Variants in MORC2 observed in about 807,000 individuals in gnomAD.
The protein encoded by MORC2 is MORC family CW-type zinc finger 2, also known as ATPase MORC2.
Under a neutral mutation model 136.0 loss-of-function variants are expected in MORC2, and 30 were observed. The observed-to-expected ratio is 0.22, with a 90% confidence interval of 0.17 to 0.30. The LOEUF (loss-of-function observed/expected upper bound fraction) is 0.30, where lower values mean the gene tolerates loss of function less well. Ranked by LOEUF, MORC2 falls within the 10% of genes least tolerant of loss-of-function variation. The pLI, the probability that MORC2 is intolerant of heterozygous loss-of-function variation, is 1.00. For missense variants in MORC2, 922 were observed against 1,333.1 expected (o/e 0.69, Z 4.80); for synonymous variants, 439 against 487.0 (o/e 0.90, Z 1.30).
chr22:30,938,257 A>G (rs778570436), intron 12 of MORC2, 52 bp from the exon 13 acceptor site: 1 of 1,602,646 alleles, frequency 6.2e-7, no homozygotes, highest in Non-Finnish European at 8.5e-7. Context: ...CACAAGCACC[A>G]TAGTGTTTAA....
intron 1 of MORC2, among the ~76,000 whole-genome samples, chr22:30,962,779 A>G (rs2041068802): frequency 6.6e-6 from 1 of 152,192 alleles, no homozygotes. Flanking sequence ...AGTCAGAGAT[A>G]ATACTCAGAA....
chr22:30,944,031 T>C lies in MORC2; in HGVS notation c.427-1760A>G, dbSNP rs1035537853. Among the ~76,000 whole-genome samples the C allele has an allele frequency of 4.6e-5, 7 of 152,356 alleles. No homozygotes were observed. In the East Asian group the frequency reaches 9.6e-4, roughly 21 times the overall value. ...CCTCAGCCTCCCAAAGTGCTGGGAT[T>C]ATAGGCGTGAGCCACCAGGCCCGGC... On this transcript the variant is annotated intron_variant, in intron 6 of 25. Coordinates refer to ENST00000397641, the MANE Select transcript of MORC2 (RefSeq NM_001303256.3).
At chr22:30,960,207 T>C (rs1236455799) in intron 1 of MORC2, among the ~76,000 whole-genome samples, 1 of 152,148 alleles carries the variant, frequency 6.6e-6, no homozygotes, top group South Asian at 2.1e-4. Context: ...CCTCAGGTGA[T>C]CTGCCTGCCT....
chr22:30,933,341 T>C, intron 21 of MORC2, 125 bp downstream of exon 21: 1 of 1,065,922 alleles, frequency 9.4e-7, no homozygotes, highest in Non-Finnish European at 1.4e-6. Flanking sequence ...GATCCACTGC[T>C]GCACAAGAGC....
At chr22:30,943,644 G>T (rs1274713772) in intron 6 of MORC2, among the ~76,000 whole-genome samples, 2 of 152,172 alleles carry the variant, frequency 1.3e-5, no homozygotes, top group Non-Finnish European at 2.9e-5. Context: ...GCACCTCAGG[G>T]GTTCAAACCC....
At chr22:30,930,439 A>G (rs1290739598) in intron 24 of MORC2, among the ~76,000 whole-genome samples, 1 of 152,138 alleles carries the variant, frequency 6.6e-6, no homozygotes, top group Non-Finnish European at 1.5e-5. Flanking sequence ...TCCCTCGCCG[A>G]GCACCACTCC....
Position 30,950,421 on chromosome 22 carries a change from C to T in MORC2, c.182G>A (p.Gly61Glu), listed in dbSNP as rs2040871517. The change falls in exon 4 of 26, where the codon GGA (glycine) becomes GAA (glutamate). Residue 61 changes from glycine to glutamate, a missense_variant. This residue lies in a region of MORC2 where 57 missense variants were observed against 71.8 expected (regional missense o/e 0.79). Transcript: ENST00000397641. ...ATCATCCAAAAAGCAAAGCATAAAT[C>T]CTCCTCGAAGGTCCTCTCGTCTTTC... ...YAERREDLRG[G>E]FMLCFLDDGA... 1 of 1,398,908 alleles carries T rather than the reference C, an allele frequency of 7.1e-7. No individual in the cohort carries two copies. Among genetic ancestry groups the T allele is most frequent in the Non-Finnish European group, 9.5e-7 (1 of 1,054,870 alleles). 86.7% of individuals were successfully genotyped at this position (1,398,908 alleles called of 1,614,324 possible).
chr22:30,942,030 C>T lies in MORC2; in HGVS notation c.587-28G>A, dbSNP rs60257720. On this transcript the variant is annotated intron_variant, in intron 7 of 25. Transcript: ENST00000397641. ...GAGAAACAGAAATCTTTTGTCCTGC[C>T]AGATCCCCCGGCCCACCCCCACACT... 1,101 of 1,610,954 alleles carry T rather than the reference C, an allele frequency of 6.8e-4. 10 individuals are homozygous for T. The East Asian group carries it at 0.018, about 27-fold the overall frequency.
chr22:30,936,195 G>GATGT (rs771940831), intron 17 of MORC2, among the ~76,000 whole-genome samples: 74 of 152,258 alleles, frequency 4.9e-4, no homozygotes, highest in Non-Finnish European at 9.8e-4. Context: ...AAGTTGGAAG[G>GATGT]ATGTATGGTT....
chr22:30,926,811 C>T lies in MORC2; in HGVS notation c.3091G>A (p.Gly1031Arg). The change falls in exon 26 of 26, where the codon GGG (glycine) becomes AGG (arginine). Residue 1031 changes from glycine (G) to arginine (R), a missense_variant. By Grantham distance (125) the Gly-to-Arg change is moderately radical. Around this residue, in one of 9 missense-constraint regions of MORC2, gnomAD observed 263 missense variants for 388.3 expected, o/e 0.68. Transcript: ENST00000397641. ...TGCTCTCTCTCCTGCCTTCAGTCCC[C>T]CTTGGTGATGAGGTCCTCAATGTAG... is the stretch of plus-strand genomic sequence containing the variant. ...DAYIEDLITK[G>R]D 1 of 1,613,442 alleles carries T rather than the reference C, an allele frequency of 6.2e-7. No homozygotes were observed. Among genetic ancestry groups the T allele is most frequent in the East Asian group, 2.2e-5 (1 of 44,806 alleles).
chr22:30,933,052 C>T (rs574117507), intron 21 of MORC2, 22 bp from the exon 22 acceptor site: 62 of 1,612,764 alleles, frequency 3.8e-5, no homozygotes, highest in Non-Finnish European at 4.8e-5. Flanking sequence ...GACAGAGGTG[C>T]GAGTCAGAAA....
chr22:30,949,748 C>A lies in MORC2; in HGVS notation c.317+4G>T. ...GCCCTGTGACAAGCTTCTAATATACCTACGATTTTAACCCATTCCCGTACT... is the reference window on the plus strand; with the variant it reads ...GCCCTGTGACAAGCTTCTAATATACATACGATTTTAACCCATTCCCGTACT... On this transcript the variant is annotated splice_donor_region_variant and intron_variant, in intron 5 of 25. Transcript: ENST00000397641. The A allele has an allele frequency of 6.2e-7, 1 of 1,613,064 alleles. No homozygotes were observed.
At chr22:30,955,825 G>A (rs927823418) in intron 3 of MORC2, among the ~76,000 whole-genome samples, 4 of 151,714 alleles carry the variant, frequency 2.6e-5, no homozygotes, top group African/African-American at 7.3e-5. Context: ...CCTGGCCGAC[G>A]TGGTGAAACC....
intron 5 of MORC2, among the ~76,000 whole-genome samples, chr22:30,947,519 C>A (rs1220307320): frequency 6.6e-6 from 1 of 152,120 alleles, no homozygotes; most frequent in East Asian, 1.9e-4. Flanking sequence ...TTCTGTGTAC[C>A]AATACAAACC....
At chr22:30,967,452 C>T (rs890789710) in intron 1 of MORC2, 3 of 1,009,356 alleles carry the variant, frequency 3.0e-6, no homozygotes, top group African/African-American at 3.5e-5. Flanking sequence ...CTGTTTAGGA[C>T]GTTGTCACTA....
chr22:30,935,154 A>G lies in MORC2; in HGVS notation c.1820T>C (p.Val607Ala), dbSNP rs1555937777. ...VTTRPSTEEPVRRPQRPRSPP... is the reference protein window; with the variant it reads ...VTTRPSTEEPARRPQRPRSPP... ...CGACCGAGGACGCTGAGGTCTACGCACAGGTTCCTAAAAAAAGGCCCACAG... is the reference window on the plus strand; with the variant it reads ...CGACCGAGGACGCTGAGGTCTACGCGCAGGTTCCTAAAAAAAGGCCCACAG... The change falls in exon 19 of 26, where the codon GTG (valine) becomes GCG (alanine). Residue 607 changes from valine (V) to alanine (A), a missense_variant. Around this residue, in one of 9 missense-constraint regions of MORC2, gnomAD observed 184 missense variants for 180.3 expected, o/e 1.02. Transcript: ENST00000397641. The G allele has an allele frequency of 1.2e-6, 2 of 1,612,290 alleles. No individual in the cohort carries two copies. The highest frequency in any genetic ancestry group is 1.7e-6 in the Non-Finnish European group (2 of 1,179,114).
At chr22:30,954,773 C>CGTAG (rs1222769023) in intron 3 of MORC2, among the ~76,000 whole-genome samples, 7 of 152,146 alleles carry the variant, frequency 4.6e-5, no homozygotes, top group Non-Finnish European at 1.0e-4. Flanking sequence ...TAGACTTGAC[C>CGTAG]ATTACGATTT....
rs577416876 is a variant in MORC2, at chr22:30,934,699, C to G, written c.2193+82G>C. 8 of 1,535,904 alleles carry G rather than the reference C, an allele frequency of 5.2e-6. No homozygotes were observed. The South Asian group carries it at 6.1e-5, about 12-fold the overall frequency. The stretch of plus-strand genomic sequence containing the variant: ...GATTCAGTATCTTCCGAAGGCTCCC[C>G]CAGTACAGCTGTGACACTGCACAAT... On this transcript the variant is annotated intron_variant, in intron 19 of 25. Coordinates refer to ENST00000397641, the MANE Select transcript of MORC2 (RefSeq NM_001303256.3). This position sits in a 1 kb window ranked among gnomAD's most constrained non-coding sequence, Gnocchi z 4.4.
intron 17 of MORC2, 59 bp downstream of exon 17, chr22:30,936,452 C>A (rs1479120653): frequency 2.5e-6 from 4 of 1,596,570 alleles, no homozygotes; most frequent in Middle Eastern, 1.7e-4. Context: ...CTGAAGGTTC[C>A]TGTCACAGGC....
Sources: gnomAD v4.1 joint callset for allele counts (sites outside exome capture counted in the v4.1 genomes callset) on GRCh38, gnomAD v4.1.1 for gene constraint, gnomAD v4.1.1 regional missense constraint, Gnocchi (gnomAD v3.1) non-coding constraint, MANE v1.5 for transcripts, NCBI Gene and HGNC (gene_info 2026-07-23, HGNC 2026-07-21) for gene names.